Variants in EXOC4 observed in about 807,000 individuals in gnomAD.
EXOC4 encodes exocyst complex component 4, also known as SEC8-like 1.
In EXOC4, 71 loss-of-function variants were observed where a neutral mutation model predicts 107.2. The ratio of observed to expected loss-of-function variants is 0.66; its 90% CI spans 0.55 to 0.81. EXOC4 has a LOEUF of 0.81. EXOC4 is among the 30% of genes least tolerant of loss of function. The pLI is 0.00. For missense variants in EXOC4, 1,108 were observed against 1,189.6 expected, an observed-to-expected ratio of 0.93 and a Z score of 1.01; for synonymous variants, 456 against 441.2, an observed-to-expected ratio of 1.03 and a Z score of -0.42.
chr7:133,818,048 G>A (rs546576165), intron 11 of EXOC4, among the ~76,000 whole-genome samples: 1 of 152,182 alleles, frequency 6.6e-6, no homozygotes, highest in South Asian at 2.1e-4. Context: ...TGATGATCTT[G>A]TTAGTACTGA....
In EXOC4 at chr7:133,412,287, T is replaced by TTTTTG. The variant is rs1427264794; in HGVS notation, c.1182+37289_1182+37290insGTTTT. Among the ~76,000 whole-genome samples the TTTTTG allele has an allele frequency of 4.1e-5, 6 of 146,152 alleles. No homozygotes were observed. In the Admixed American group the frequency reaches 4.1e-4, roughly 10 times the overall value. ...ATACTGTCAGAATTCAGTTTTTTTT[T>TTTTTG]TTTTTTTTTTTTTTGCCAGTATTTG... On this transcript the variant is annotated intron_variant, in intron 7 of 17. Coordinates refer to ENST00000253861, the MANE Select transcript of EXOC4 (RefSeq NM_021807.4).
At chr7:133,601,152 G>A (rs1801795777) in intron 9 of EXOC4, among the ~76,000 whole-genome samples, 1 of 152,036 alleles carries the variant, frequency 6.6e-6, no homozygotes, top group East Asian at 1.9e-4. Context: ...AGACCTCTTT[G>A]TGATCGGGTT....
intron 14 of EXOC4, among the ~76,000 whole-genome samples, chr7:133,945,305 T>C (rs1378378451): frequency 1.3e-5 from 2 of 152,236 alleles, no homozygotes; most frequent in Non-Finnish European, 2.9e-5. Flanking sequence ...GAACCACTGA[T>C]TTAGAGCCCC....
chr7:133,663,883 C>T (rs1793753249), intron 10 of EXOC4, among the ~76,000 whole-genome samples: 1 of 152,156 alleles, frequency 6.6e-6, no homozygotes, highest in Non-Finnish European at 1.5e-5. Flanking sequence ...AACTTTTTAA[C>T]AGCAATTCAT....
intron 11 of EXOC4, among the ~76,000 whole-genome samples, chr7:133,821,773 T>C (rs755703734): frequency 1.2e-4 from 18 of 152,316 alleles, no homozygotes; most frequent in Non-Finnish European, 2.4e-4. Flanking sequence ...GATAGAAAAG[T>C]GCAGATATGT....
At position 133,756,822 on chromosome 7, in the gene EXOC4, G is replaced by A. The variant is rs556291571; in HGVS notation, c.1515-60503G>A. The stretch of plus-strand genomic sequence containing the variant: ...CTGAAAAGCATGTATAAAACACATT[G>A]CAAGGTTACATAAAATAGTGACAAA... On this transcript the variant is annotated intron_variant, in intron 10 of 17. Coordinates refer to ENST00000253861, the MANE Select transcript of EXOC4 (RefSeq NM_021807.4). Among the ~76,000 whole-genome samples the A allele has an allele frequency of 1.9e-3, 282 of 152,302 alleles. 1 individual carries two copies. Among genetic ancestry groups the A allele is most frequent in the Non-Finnish European group, 3.2e-3 (215 of 68,026 alleles).
chr7:133,878,766 C>G (rs1249394393), intron 11 of EXOC4, among the ~76,000 whole-genome samples: 3 of 152,070 alleles, frequency 2.0e-5, no homozygotes, highest in Non-Finnish European at 4.4e-5. Flanking sequence ...CTGTGTTGCC[C>G]AATCTGGAGT....
chr7:134,022,521 A>G (rs1795051665), intron 17 of EXOC4, among the ~76,000 whole-genome samples: 1 of 152,158 alleles, frequency 6.6e-6, no homozygotes, highest in Admixed American at 6.5e-5. Flanking sequence ...TGGGCCCTCA[A>G]GCCAAAGAGT....
intron 9 of EXOC4, among the ~76,000 whole-genome samples, chr7:133,516,712 G>A (rs184212404): frequency 1.9e-5 from 2 of 105,066 alleles, no homozygotes; most frequent in Non-Finnish European, 4.0e-5. Context: ...GGATCATATG[G>A]TCATTCGGGG....
At chr7:133,865,296 TAAA>T (rs1216048483) in intron 11 of EXOC4, among the ~76,000 whole-genome samples, 1 of 152,090 alleles carries the variant, frequency 6.6e-6, no homozygotes, top group Non-Finnish European at 1.5e-5. Flanking sequence ...GATGAATACA[TAAA>T]TATAGTTTGT....
At chr7:133,258,275 C>A (rs1343275513) in intron 1 of EXOC4, among the ~76,000 whole-genome samples, 1 of 152,162 alleles carries the variant, frequency 6.6e-6, no homozygotes, top group East Asian at 1.9e-4. Context: ...CTTAGTGTAC[C>A]TCGTGTAACT....
chr7:133,313,359 G>A (rs6947465), intron 4 of EXOC4, among the ~76,000 whole-genome samples: 52,833 of 151,934 alleles, frequency 0.35, 11,710 homozygotes, highest in African/African-American at 0.64. Flanking sequence ...ATTTGGTGAA[G>A]TCTTACTAAG....
intron 7 of EXOC4, among the ~76,000 whole-genome samples, chr7:133,455,492 C>T (rs73724591): frequency 0.02 from 2,978 of 152,086 alleles, 104 homozygotes; most frequent in African/African-American, 0.068. Flanking sequence ...AGATTTTAAT[C>T]GTAGATTTTC....
intron 10 of EXOC4, among the ~76,000 whole-genome samples, chr7:133,660,177 A>AT (rs34121830): frequency 0.87 from 128,480 of 148,490 alleles, 55,833 homozygotes; most frequent in East Asian, 0.98. Flanking sequence ...GTTTTCATTA[A>AT]TTTTTTTTTT....
chr7:133,258,960 T>C (rs1174867276), intron 1 of EXOC4, among the ~76,000 whole-genome samples: 1 of 151,970 alleles, frequency 6.6e-6, no homozygotes, highest in African/African-American at 2.4e-5. Context: ...AAGGGCCCAA[T>C]ACTCTGTTGA....
chr7:133,913,317 T>G (rs995525255), intron 12 of EXOC4, among the ~76,000 whole-genome samples: 1 of 152,158 alleles, frequency 6.6e-6, no homozygotes, highest in Non-Finnish European at 1.5e-5. Flanking sequence ...CACTGAAGAC[T>G]TGTAGGAAGG....
At chr7:133,896,634 C>T (rs939522382) in intron 12 of EXOC4, among the ~76,000 whole-genome samples, 1 of 149,348 alleles carries the variant, frequency 6.7e-6, no homozygotes, top group African/African-American at 2.5e-5. Context: ...AGACAGTTGC[C>T]CCCTATTTTA....
At position 133,438,314 on chromosome 7, in the gene EXOC4, T is replaced by G. The variant is rs80320121; in HGVS notation, c.1183-37014T>G. 2.7e-3 allele frequency among the ~76,000 whole-genome samples: 406 copies of G among 152,326 alleles called. 6 individuals carry two copies. In the East Asian group the frequency reaches 0.052, roughly 19 times the overall value. On this transcript the variant is annotated intron_variant, in intron 7 of 17. Coordinates refer to ENST00000253861, the MANE Select transcript of EXOC4 (RefSeq NM_021807.4). Reference sequence around the variant, plus strand: ...CCCAGGGCTCCTCAGAGTTCCTGATTCTTTAATGTTTGTACATTTATATTT... The same window carrying G: ...CCCAGGGCTCCTCAGAGTTCCTGATGCTTTAATGTTTGTACATTTATATTT...
At chr7:133,833,846 C>G (rs1191314541) in intron 11 of EXOC4, among the ~76,000 whole-genome samples, 1 of 152,150 alleles carries the variant, frequency 6.6e-6, no homozygotes, top group Non-Finnish European at 1.5e-5. Context: ...TTTATAGATG[C>G]AAGTCACCGT....
Sources: gnomAD v4.1 joint callset for allele counts (sites outside exome capture counted in the v4.1 genomes callset) on GRCh38, gnomAD v4.1.1 for gene constraint, MANE v1.5 for transcripts, NCBI Gene and HGNC (gene_info 2026-07-23, HGNC 2026-07-21) for gene names.